The following HYDIN variants were observed in gnomAD, a reference collection of about 807,000 sequenced individuals.
HYDIN encodes HYDIN axonemal central pair apparatus protein.
Under a neutral mutation model 403.9 loss-of-function variants are expected in HYDIN, and 132 were observed. That is an observed-to-expected ratio of 0.33 (90% CI 0.28 to 0.38). HYDIN has a LOEUF of 0.38. HYDIN is among the 10% of genes least tolerant of loss of function. The probability of loss-of-function intolerance (pLI) is 1.00; values close to 1 mark genes in which losing one functional copy is unlikely to be tolerated. For missense variants in HYDIN, 2,827 were observed against 5,009.5 expected (o/e 0.56, Z 13.15); for synonymous variants, 1,202 against 1,891.7 (o/e 0.64, Z 9.46).
intron 42 of HYDIN, among the ~76,000 whole-genome samples, chr16:70,943,260 T>C (rs183548981): frequency 1.1e-4 from 17 of 152,354 alleles, no homozygotes; most frequent in African/African-American, 3.8e-4. Flanking sequence ...TTACTGTTTT[T>C]CTGACTTTAA....
rs1350648375 is a variant in HYDIN at position 71,175,378 on chromosome 16, TCAC to T, written c.516+226_516+228del. On this transcript the variant is annotated intron_variant, in intron 5 of 85. Coordinates refer to ENST00000393567, the MANE Select transcript of HYDIN (RefSeq NM_001270974.2). ...ATCACCACCATCAATGACAACAATATCACCACCATCTATACTACCAACACCAAC... is the reference window on the plus strand; with the variant it reads ...ATCACCACCATCAATGACAACAATATCACCATCTATACTACCAACACCAAC... Among the ~76,000 whole-genome samples, 6 of 151,142 alleles carry T rather than the reference TCAC, an allele frequency of 4.0e-5. No individual in the cohort carries two copies. In the East Asian group the frequency reaches 5.9e-4, roughly 15 times the overall value.
chr16:70,865,435 C>A, intron 67 of HYDIN: 2 of 376,740 alleles, frequency 5.3e-6, no homozygotes, highest in South Asian at 2.0e-5. Flanking sequence ...TCTTTGAAGG[C>A]AGGGCCCATG....
chr16:71,213,508 A>G (rs1261274043), intron 1 of HYDIN, among the ~76,000 whole-genome samples: 1 of 152,160 alleles, frequency 6.6e-6, no homozygotes, highest in Admixed American at 6.6e-5. Flanking sequence ...TTAAGGAAGT[A>G]CTAAATTAAT....
chr16:71,024,149 G>C (rs915865002), intron 21 of HYDIN, among the ~76,000 whole-genome samples: 3 of 152,204 alleles, frequency 2.0e-5, no homozygotes, highest in Non-Finnish European at 4.4e-5. Flanking sequence ...ATCTGACCAT[G>C]TCACTCCCTT....
intron 23 of HYDIN, among the ~76,000 whole-genome samples, chr16:71,003,912 T>A (rs1207571212): frequency 2.0e-5 from 3 of 152,060 alleles, no homozygotes; most frequent in Non-Finnish European, 4.4e-5. Flanking sequence ...GTTTTCCATG[T>A]AGATAATAAT....
rs1282592581 is a variant in HYDIN at position 71,071,260 on chromosome 16, A to G, written c.1739-1758T>C. ...AGAATAAAGCCAATTATGACCTCCT[A>G]GTTACAACAATTTCTTGTACTAGTA... On this transcript the variant is annotated intron_variant, in intron 13 of 85. Transcript: ENST00000393567. Among the ~76,000 whole-genome samples, 6 of 148,380 alleles carry G rather than the reference A, an allele frequency of 4.0e-5. No homozygotes were observed. In the East Asian group the frequency reaches 1.2e-3, roughly 30 times the overall value.
intron 20 of HYDIN, 171 bp downstream of exon 20, chr16:71,027,431 G>T: frequency 6.7e-7 from 1 of 1,502,538 alleles, no homozygotes. Context: ...AGACTGAGCA[G>T]AGCTGCACCC....
At chr16:71,110,881 C>CT (rs1331287598) in intron 10 of HYDIN, among the ~76,000 whole-genome samples, 5 of 107,810 alleles carry the variant, frequency 4.6e-5, no homozygotes, top group African/African-American at 1.5e-4. Context: ...CTCTTATACT[C>CT]TCCCCCCAGG....
intron 67 of HYDIN, among the ~76,000 whole-genome samples, chr16:70,864,087 T>C (rs1169545046): frequency 6.6e-6 from 1 of 152,074 alleles, no homozygotes; most frequent in Non-Finnish European, 1.5e-5. Context: ...TCCCAGCACT[T>C]TGAGAGGCCA....
chr16:71,007,520 C>T (rs1329591500), intron 23 of HYDIN, among the ~76,000 whole-genome samples: 2 of 151,766 alleles, frequency 1.3e-5, no homozygotes, highest in Non-Finnish European at 2.9e-5. Context: ...TTGGACTTCT[C>T]AAAAGAAGAT....
chr16:70,840,228 G>A lies in HYDIN; in HGVS notation c.12879C>T (p.Ser4293=). Residue 4293 remains serine, a synonymous_variant, in exon 76 of 86, where the codon AGC becomes AGT. Transcript: ENST00000393567. ...TGTTGCACATAAATGTTGGACCATG[G>A]CTGATCTGTGAGGAGGAAATGGCAG... ...LTDLELIIKI[S]HGPTFMCNIS... The A allele has an allele frequency of 1.2e-6, 1 of 848,690 alleles. No homozygotes were observed. Among genetic ancestry groups the A allele is most frequent in the South Asian group, 1.7e-5 (1 of 57,730 alleles). 52.6% of individuals were successfully genotyped at this position (848,690 alleles called of 1,614,324 possible).
At position 70,805,246 on chromosome 16, in the gene HYDIN, C is replaced by T. The variant is rs541081667; in HGVS notation, c.*2334G>A. The stretch of plus-strand genomic sequence containing the variant: ...GGCAAATGTCAAGTTTTGCCAGGTA[C>T]CTTAAAGTAGCACTCTCAGCTGCAA... On this transcript the variant is annotated 3_prime_UTR_variant, in exon 86 of 86. Transcript: ENST00000393567. Among the ~76,000 whole-genome samples the T allele has an allele frequency of 1.3e-5, 2 of 152,278 alleles. No individual in the cohort carries two copies. Among genetic ancestry groups the T allele is most frequent in the Non-Finnish European group, 2.9e-5 (2 of 68,024 alleles).
intron 1 of HYDIN, among the ~76,000 whole-genome samples, chr16:71,192,554 A>G (rs2087486127): frequency 6.6e-6 from 1 of 152,174 alleles, no homozygotes; most frequent in South Asian, 2.1e-4. Context: ...ACAGACTCAC[A>G]TGTAACACCA....
intron 85 of HYDIN, among the ~76,000 whole-genome samples, chr16:70,809,516 G>C (rs943111524): frequency 6.6e-6 from 1 of 152,014 alleles, no homozygotes; most frequent in Non-Finnish European, 1.5e-5. Flanking sequence ...ATCACTGGGC[G>C]TGCTGTGTGA....
chr16:70,840,510 A>G (rs1169117132), intron 75 of HYDIN, among the ~76,000 whole-genome samples: 5 of 152,142 alleles, frequency 3.3e-5, no homozygotes, highest in African/African-American at 4.8e-5. Flanking sequence ...ACTACCCAAT[A>G]TCCGCTCCCC....
intron 5 of HYDIN, among the ~76,000 whole-genome samples, chr16:71,171,519 T>G (rs565478671): frequency 6.6e-6 from 1 of 152,336 alleles, no homozygotes; most frequent in African/African-American, 2.4e-5. Flanking sequence ...TGAAATAATA[T>G]TATTCATTTG....
At chr16:71,102,095 G>A (rs1029634677) in intron 10 of HYDIN, among the ~76,000 whole-genome samples, 6 of 152,146 alleles carry the variant, frequency 3.9e-5, no homozygotes, top group South Asian at 2.1e-4. Flanking sequence ...GCAAAAATAA[G>A]TTATATATTG....
intron 7 of HYDIN, 27 bp from the exon 8 acceptor site, chr16:71,137,379 C>T: frequency 1.9e-6 from 1 of 539,006 alleles, no homozygotes; most frequent in Non-Finnish European, 3.3e-6. Context: ...TACAAACACA[C>T]TTCAAGATTT....
chr16:70,881,250 C>G (rs2040782026), intron 60 of HYDIN, among the ~76,000 whole-genome samples: 2 of 133,542 alleles, frequency 1.5e-5, no homozygotes, highest in South Asian at 4.5e-4. Context: ...AAAAATCAGT[C>G]TTCCTCACTT....
Sources: allele counts gnomAD v4.1 joint callset (sites outside exome capture counted in the v4.1 genomes callset), GRCh38; gene constraint gnomAD v4.1.1; transcripts MANE v1.5; gene names NCBI Gene and HGNC (gene_info 2026-07-23, HGNC 2026-07-21).